The following FAT1 variants were observed in gnomAD, a reference collection of about 807,000 sequenced individuals.
FAT1 encodes the protein protocadherin Fat 1.
In FAT1, 171 loss-of-function variants were observed where a neutral mutation model predicts 329.8. The observed-to-expected ratio is 0.52, with a 90% confidence interval of 0.46 to 0.59. The LOEUF (loss-of-function observed/expected upper bound fraction) is 0.59, where lower values mean the gene tolerates loss of function less well. FAT1 is among the 20% of genes least tolerant of loss of function. The probability of loss-of-function intolerance (pLI) is 0.00; values close to 1 mark genes in which losing one functional copy is unlikely to be tolerated. For missense variants in FAT1, 5,672 were observed against 5,774.4 expected (o/e 0.98, Z 0.57); for synonymous variants, 2,233 against 2,228.6 (o/e 1.00, Z -0.06).
At chr4:186,699,682 GGT>G (rs1744207175) in intron 2 of FAT1, among the ~76,000 whole-genome samples, 1 of 142,034 alleles carries the variant, frequency 7.0e-6, no homozygotes, top group African/African-American at 2.8e-5. Flanking sequence ...TAAGCAGCAT[GGT>G]CTGCTGTTTG....
At chr4:186,659,700 G>C (rs1170374608) in intron 3 of FAT1, among the ~76,000 whole-genome samples, 51 of 117,836 alleles carry the variant, frequency 4.3e-4, no homozygotes, top group South Asian at 8.8e-4. Flanking sequence ...CCTGAACGAC[G>C]CTGGGCGCTC....
At chr4:186,643,269 G>A (rs908283423) in intron 3 of FAT1, among the ~76,000 whole-genome samples, 2 of 152,136 alleles carry the variant, frequency 1.3e-5, no homozygotes, top group South Asian at 2.1e-4. Context: ...CTACTCAGGA[G>A]GCATAATTCA....
At chr4:186,664,308 A>T (rs1304147409) in intron 2 of FAT1, among the ~76,000 whole-genome samples, 1 of 152,216 alleles carries the variant, frequency 6.6e-6, no homozygotes, top group Non-Finnish European at 1.5e-5. Context: ...AACAAATGGG[A>T]AGACAACCAG....
intron 2 of FAT1, among the ~76,000 whole-genome samples, chr4:186,669,575 TTAAG>T (rs1436774810): frequency 1.3e-5 from 2 of 152,324 alleles, no homozygotes; most frequent in East Asian, 1.9e-4. Flanking sequence ...TTTGGAGTTA[TTAAG>T]TAAGAATATT....
intron 1 of FAT1, among the ~76,000 whole-genome samples, chr4:186,720,334 A>G (rs28499456): frequency 6.6e-6 from 1 of 152,068 alleles, no homozygotes; most frequent in Non-Finnish European, 1.5e-5. Context: ...TCCCTTTTTT[A>G]ATAAGATTAT....
intron 9 of FAT1, among the ~76,000 whole-genome samples, chr4:186,623,480 T>A (rs1740146482): frequency 2.0e-5 from 3 of 152,240 alleles, no homozygotes; most frequent in South Asian, 4.1e-4. Context: ...ATGTCTGTAC[T>A]CACCAGCTGA....
At chr4:186,670,501 ACATAC>A (rs1339455582) in intron 2 of FAT1, among the ~76,000 whole-genome samples, 6 of 152,342 alleles carry the variant, frequency 3.9e-5, no homozygotes, top group Non-Finnish European at 1.5e-5. Context: ...AAAAGAAGAG[ACATAC>A]CATCAACACA....
chr4:186,651,681 C>G (rs967110674), intron 3 of FAT1, among the ~76,000 whole-genome samples: 2 of 152,188 alleles, frequency 1.3e-5, no homozygotes, highest in African/African-American at 4.8e-5. Flanking sequence ...AGGGAGGCGT[C>G]ACGTCCTCCG....
In FAT1 at chr4:186,600,304, G is replaced by A. The variant is rs1203508054; in HGVS notation, c.11697C>T (p.Val3899=). 6.2e-7 allele frequency: 1 copy of A among 1,613,624 alleles called. No individual in the cohort carries two copies. Among genetic ancestry groups the A allele is most frequent in the Admixed American group, 1.7e-5 (1 of 59,964 alleles). The change falls in exon 22 of 27, where the codon GTC becomes GTT. Residue 3899 remains valine, a synonymous_variant. Transcript: ENST00000441802. Reference sequence around the variant, plus strand: ...CATTGACCTGAATGCTCTGAACAGAGACAATTCCAGGGCCACTTCCACAGT... The same window carrying A: ...CATTGACCTGAATGCTCTGAACAGAAACAATTCCAGGGCCACTTCCACAGT... ...KFDCGSGPGI[V]SVQSIQVNDG... is the part of the protein sequence containing the mutation.
At chr4:186,665,749 C>T (rs563389887) in intron 2 of FAT1, among the ~76,000 whole-genome samples, 7 of 151,956 alleles carry the variant, frequency 4.6e-5, no homozygotes, top group East Asian at 3.9e-4. Flanking sequence ...TGGTTTATTG[C>T]GGCACTATTC....
chr4:186,662,014 G>A (rs1475780109), intron 3 of FAT1, among the ~76,000 whole-genome samples: 4 of 63,264 alleles, frequency 6.3e-5, no homozygotes, highest in South Asian at 5.2e-4. Context: ...CCTCCCCCCC[G>A]CCCCCCGGCC....
rs778456772 is a variant in FAT1 at position 186,707,523 on chromosome 4, T to A, written c.2305A>T (p.Met769Leu). ...AAAATTTTCAGCATTCCTGTTTCCA[T>A]ATCAATCATGAAGCAACTATCCTCA... ...GNEDSCFMID[M>L]ETGMLKILSP... The change falls in exon 2 of 27, where the codon ATG (methionine) becomes TTG (leucine). Residue 769 changes from methionine to leucine, a missense_variant. By Grantham distance (15) the Met-to-Leu change is conservative. Around this residue, in one of 2 missense-constraint regions of FAT1, gnomAD observed 3,966 missense variants for 3,915.2 expected, o/e 1.01. Coordinates refer to ENST00000441802, the MANE Select transcript of FAT1 (RefSeq NM_005245.4). 5 of 1,614,024 alleles carry A rather than the reference T, an allele frequency of 3.1e-6. No homozygotes were observed. The East Asian group carries it at 8.9e-5, about 29-fold the overall frequency.
At chr4:186,614,409 A>C in intron 11 of FAT1, 65 bp from the exon 12 acceptor site, 1 of 1,057,774 alleles carries the variant, frequency 9.5e-7, no homozygotes, top group South Asian at 2.1e-5. Flanking sequence ...CATCAAGGGA[A>C]TAATGGAAAA....
At chr4:186,690,089 A>T (rs1300401758) in intron 2 of FAT1, among the ~76,000 whole-genome samples, 1 of 152,190 alleles carries the variant, frequency 6.6e-6, no homozygotes, top group Non-Finnish European at 1.5e-5. Context: ...ATGTTACTGC[A>T]TTGCGTTACA....
intron 17 of FAT1, among the ~76,000 whole-genome samples, chr4:186,605,530 AGG>A (rs1739082438): frequency 2.1e-5 from 2 of 93,330 alleles, no homozygotes; most frequent in African/African-American, 4.3e-5. Flanking sequence ...GGGAGTGGGG[AGG>A]AGGAAGAGAA....
chr4:186,623,844 C>T (rs1215530840), intron 9 of FAT1, among the ~76,000 whole-genome samples: 7 of 152,166 alleles, frequency 4.6e-5, no homozygotes, highest in Admixed American at 6.5e-5. Context: ...TGCTCTTTAT[C>T]GGCCATGCAA....
Position 186,614,181 on chromosome 4 carries a change from CCAT to C in FAT1, c.9229+7_9229+9del, listed in dbSNP as rs1253809087. The C allele has an allele frequency of 6.3e-7, 1 of 1,587,234 alleles. No homozygotes were observed. Among genetic ancestry groups the C allele is most frequent in the Admixed American group, 1.9e-5 (1 of 52,670 alleles). On this transcript the variant is annotated splice_region_variant and intron_variant, in intron 12 of 26. Coordinates refer to ENST00000441802, the MANE Select transcript of FAT1 (RefSeq NM_005245.4). ...TATACAATTTATTTTGTCCCAAACT[CCAT>C]CATTACCTGTGTCTGGATTTAGTTT...
At position 186,636,694 on chromosome 4, in the gene FAT1, G is replaced by A; in HGVS notation, c.3863C>T (p.Ser1288Phe). Reference protein sequence around the residue: ...DKDEGPNAEISYSIEDGNEHG... With the variant: ...DKDEGPNAEIFYSIEDGNEHG... ...CTCATTCCCGTCTTCGATGCTGTAG[G>A]AGATTTCTGCATTGGGGCCCTCATC... The change falls in exon 5 of 27, where the codon TCC becomes TTC. Residue 1288 changes from serine (S) to phenylalanine (F), a missense_variant. Around this residue, in one of 2 missense-constraint regions of FAT1, gnomAD observed 3,966 missense variants for 3,915.2 expected, o/e 1.01. Coordinates refer to ENST00000441802, the MANE Select transcript of FAT1 (RefSeq NM_005245.4). The A allele has an allele frequency of 6.2e-7, 1 of 1,613,814 alleles. No individual in the cohort carries two copies. Among genetic ancestry groups the A allele is most frequent in the Non-Finnish European group, 8.5e-7 (1 of 1,179,864 alleles).
At chr4:186,624,242 T>A (rs1275134435) in intron 9 of FAT1, among the ~76,000 whole-genome samples, 1 of 143,216 alleles carries the variant, frequency 7.0e-6, no homozygotes, top group East Asian at 2.0e-4. Context: ...GTTCCCTGTA[T>A]GGGAACAGGG....
Sources: allele counts gnomAD v4.1 joint callset (sites outside exome capture counted in the v4.1 genomes callset), GRCh38; gene constraint gnomAD v4.1.1; regional missense constraint gnomAD v4.1.1; transcripts MANE v1.5; gene names NCBI Gene and HGNC (gene_info 2026-07-23, HGNC 2026-07-21).